The following CTNND1 variants were observed in gnomAD, a reference collection of about 807,000 sequenced individuals.
The protein encoded by CTNND1 is catenin delta 1.
A neutral mutation model predicts 112.1 loss-of-function variants in CTNND1; 16 were observed. That is an observed-to-expected ratio of 0.14 (90% confidence interval 0.10 to 0.22). The LOEUF (loss-of-function observed/expected upper bound fraction) is 0.22, where lower values mean the gene tolerates loss of function less well. CTNND1 is among the 10% of genes least tolerant of loss of function. CTNND1 has a pLI of 1.00. For synonymous variants in CTNND1, 420 were observed against 446.5 expected, an observed-to-expected ratio of 0.94 and a Z score of 0.75; for missense variants, 1,008 against 1,257.0, an observed-to-expected ratio of 0.80 and a Z score of 3.00.
At chr11:57,764,671 A>T (rs1950658412) in intron 1 of CTNND1, among the ~76,000 whole-genome samples, 1 of 152,008 alleles carries the variant, frequency 6.6e-6, no homozygotes, top group Non-Finnish European at 1.5e-5. Context: ...AAGGAATTTG[A>T]CCCTCAGAGA....
chr11:57,800,746 G>A (rs1471249577), intron 6 of CTNND1, among the ~76,000 whole-genome samples: 2 of 152,196 alleles, frequency 1.3e-5, no homozygotes, highest in African/African-American at 4.8e-5. Flanking sequence ...CTTATTTGGA[G>A]AGCTCCACAC....
intron 1 of CTNND1, among the ~76,000 whole-genome samples, chr11:57,770,749 A>G (rs1035896713): frequency 2.0e-5 from 3 of 152,268 alleles, no homozygotes; most frequent in Non-Finnish European, 4.4e-5. Flanking sequence ...GGTTGAGGAC[A>G]TAAGACATTG....
intron 17 of CTNND1, chr11:57,813,840 G>T: frequency 6.6e-6 from 1 of 152,400 alleles, no homozygotes; most frequent in African/African-American, 2.4e-5. Flanking sequence ...ATGATAACAT[G>T]TAAGAAGTTT....
intron 15 of CTNND1, among the ~76,000 whole-genome samples, 197 bp downstream of exon 15, chr11:57,809,663 G>A (rs2063105623): frequency 6.6e-6 from 1 of 152,160 alleles, no homozygotes; most frequent in Admixed American, 6.6e-5. Flanking sequence ...GTCGCTATTT[G>A]GGATAGAATA....
rs2062046863 is a variant in CTNND1, at chr11:57,801,763, G to A, written c.987G>A (p.Val329=). 1.2e-6 allele frequency: 2 copies of A among 1,613,424 alleles called. No homozygotes were observed. The highest frequency in any genetic ancestry group is 2.7e-5 in the African/African-American group (2 of 74,904). Residue 329 remains valine, a synonymous_variant, in exon 7 of 21, where the codon GTG becomes GTA. Transcript: ENST00000399050. ...RSYEDMIGEE[V]PSDQYYWAPL... ...ATGAAGACATGATTGGTGAGGAGGT[G>A]CCATCGGATCAATACTACTGGGCTC...
intron 1 of CTNND1, among the ~76,000 whole-genome samples, chr11:57,771,507 T>C (rs1952618081): frequency 6.6e-6 from 1 of 151,920 alleles, no homozygotes; most frequent in Admixed American, 6.6e-5. Context: ...CATGTAGATA[T>C]GAGGAGTAGG....
chr11:57,814,725 T>C (rs138085511), intron 18 of CTNND1, among the ~76,000 whole-genome samples: 5 of 152,234 alleles, frequency 3.3e-5, no homozygotes, highest in African/African-American at 4.8e-5. Flanking sequence ...CTATTCACTC[T>C]ATAGTTTGAT....
At chr11:57,815,620 T>G in intron 19 of CTNND1, 120 bp downstream of exon 19, 1 of 953,668 alleles carries the variant, frequency 1.0e-6, no homozygotes. Context: ...GTAGGGGTTT[T>G]CAGGAAAAAG....
chr11:57,766,448 G>A (rs1460210337), intron 1 of CTNND1, among the ~76,000 whole-genome samples: 1 of 152,120 alleles, frequency 6.6e-6, no homozygotes, highest in African/African-American at 2.4e-5. Flanking sequence ...AGTTTTCTTG[G>A]GTAATTTAAA....
At chr11:57,794,583 G>A (rs747669461) in intron 4 of CTNND1, among the ~76,000 whole-genome samples, 2 of 150,760 alleles carry the variant, frequency 1.3e-5, no homozygotes, top group Non-Finnish European at 3.0e-5. Context: ...GTCGGGAGTT[G>A]GAGACCAGCC....
chr11:57,765,118 T>G (rs563884005), intron 1 of CTNND1, among the ~76,000 whole-genome samples: 69 of 152,304 alleles, frequency 4.5e-4, no homozygotes, highest in Non-Finnish European at 7.8e-4. Flanking sequence ...AGAGAATTTG[T>G]TAGGTATGTG....
chr11:57,770,952 C>T (rs530394414), intron 1 of CTNND1, among the ~76,000 whole-genome samples: 43 of 152,210 alleles, frequency 2.8e-4, no homozygotes, highest in African/African-American at 1.0e-3. Flanking sequence ...GGGGGAAGTT[C>T]TGTAACCTCA....
intron 16 of CTNND1, 119 bp from the exon 17 acceptor site, chr11:57,811,280 T>C (rs757612511): frequency 2.8e-6 from 2 of 719,406 alleles, no homozygotes; most frequent in African/African-American, 1.8e-5. Flanking sequence ...TCAACTCTTA[T>C]AAGTTGCTTT....
chr11:57,813,684 T>C (rs1015939898), intron 17 of CTNND1, among the ~76,000 whole-genome samples: 1 of 152,236 alleles, frequency 6.6e-6, no homozygotes, highest in African/African-American at 2.4e-5. Flanking sequence ...TTTCCAACTT[T>C]TTATCTGTGT....
At chr11:57,763,762 T>G (rs772756678) in intron 1 of CTNND1, 1 of 152,156 alleles carries the variant, frequency 6.6e-6, no homozygotes, top group Non-Finnish European at 1.5e-5. Context: ...GCTTCCAGAG[T>G]GTCTGTTTCC....
intron 1 of CTNND1, among the ~76,000 whole-genome samples, chr11:57,771,560 G>C (rs1219104524): frequency 1.3e-5 from 2 of 152,180 alleles, no homozygotes; most frequent in African/African-American, 4.8e-5. Context: ...ATGAACAAAA[G>C]AGATTGAGGG....
chr11:57,782,962 G>A (rs1285431563), intron 1 of CTNND1, among the ~76,000 whole-genome samples: 1 of 152,212 alleles, frequency 6.6e-6, no homozygotes, highest in African/African-American at 2.4e-5. Context: ...AGTGAAGTGA[G>A]AAATACTAGA....
Position 57,806,957 on chromosome 11 carries a change from T to A in CTNND1, c.1937T>A (p.Phe646Tyr). 1 of 1,601,902 alleles carries A rather than the reference T, an allele frequency of 6.2e-7. No individual in the cohort carries two copies. Reference sequence around the variant, plus strand: ...GATCCAGCAAACGATACAGTGGATTTCCCTAAAAGAACGAGTCCAGCTCGA... The same window carrying A: ...GATCCAGCAAACGATACAGTGGATTACCCTAAAAGAACGAGTCCAGCTCGA... ...IEDPANDTVD[F>Y]PKRTSPARGY... Residue 646 changes from phenylalanine to tyrosine, a missense_variant, in exon 12 of 21, where the codon TTC becomes TAC. This residue lies in a region of CTNND1 where 254 missense variants were observed against 279.5 expected (regional missense o/e 0.91). Transcript: ENST00000399050.
At chr11:57,785,486 C>A (rs1469472727) in intron 1 of CTNND1, among the ~76,000 whole-genome samples, 2 of 152,212 alleles carry the variant, frequency 1.3e-5, no homozygotes, top group East Asian at 3.9e-4. Flanking sequence ...AATTGTATTT[C>A]TTTAGTCAGT....
Sources: gnomAD v4.1 joint callset for allele counts (sites outside exome capture counted in the v4.1 genomes callset) on GRCh38, gnomAD v4.1.1 for gene constraint, gnomAD v4.1.1 regional missense constraint, MANE v1.5 for transcripts, NCBI Gene and HGNC (gene_info 2026-07-23, HGNC 2026-07-21) for gene names.